The following KCNIP4 variants were observed in gnomAD, a reference collection of about 807,000 sequenced individuals.
KCNIP4 encodes the protein potassium voltage-gated channel interacting protein 4.
In KCNIP4, 12 loss-of-function variants were observed where a neutral mutation model predicts 34.0. That is an observed-to-expected ratio of 0.35 (90% CI 0.23 to 0.57). The LOEUF (loss-of-function observed/expected upper bound fraction) is 0.57, where lower values mean the gene tolerates loss of function less well. KCNIP4 is among the 20% of genes least tolerant of loss of function. The pLI, the probability that KCNIP4 is intolerant of heterozygous loss-of-function variation, is 0.83. For synonymous variants in KCNIP4, 124 were observed against 102.2 expected (o/e 1.21, Z -1.29); for missense variants, 238 against 311.7 (o/e 0.76, Z 1.78).
At chr4:20,862,631 T>C (rs894287628) in intron 2 of KCNIP4, among the ~76,000 whole-genome samples, 4 of 152,168 alleles carry the variant, frequency 2.6e-5, no homozygotes, top group Non-Finnish European at 4.4e-5. Context: ...GATTTTCTCT[T>C]AGTTGTCCTA....
At chr4:21,605,941 C>A (rs932111799) in intron 1 of KCNIP4, among the ~76,000 whole-genome samples, 1 of 152,116 alleles carries the variant, frequency 6.6e-6, no homozygotes, top group Non-Finnish European at 1.5e-5. Flanking sequence ...AGAAAAAAAC[C>A]ATCCTCTGTT....
intron 1 of KCNIP4, among the ~76,000 whole-genome samples, chr4:21,388,106 G>A (rs1407209260): frequency 6.6e-6 from 1 of 152,048 alleles, no homozygotes; most frequent in Non-Finnish European, 1.5e-5. Context: ...GATTTCAGGT[G>A]TGCTGAAAGA....
At chr4:21,671,554 A>G (rs1309716970) in intron 1 of KCNIP4, among the ~76,000 whole-genome samples, 1 of 152,202 alleles carries the variant, frequency 6.6e-6, no homozygotes, top group African/African-American at 2.4e-5. Flanking sequence ...GCTTCACAGA[A>G]TCTTCATCAC....
intron 1 of KCNIP4, among the ~76,000 whole-genome samples, chr4:21,484,442 TA>T (rs1024736397): frequency 4.4e-5 from 6 of 137,454 alleles, no homozygotes; most frequent in Admixed American, 7.0e-5. Flanking sequence ...AAAAAAAAAT[TA>T]AAAGATAGGT....
intron 2 of KCNIP4, among the ~76,000 whole-genome samples, chr4:20,852,396 T>C (rs375311316): frequency 2.0e-5 from 3 of 152,190 alleles, no homozygotes; most frequent in South Asian, 4.1e-4. Flanking sequence ...TCTCAGTAGA[T>C]GCTGAAAACC....
intron 1 of KCNIP4, among the ~76,000 whole-genome samples, chr4:21,218,593 G>A (rs1221174233): frequency 6.6e-6 from 1 of 151,996 alleles, no homozygotes; most frequent in Non-Finnish European, 1.5e-5. Context: ...ATCACTAATA[G>A]GCCATTGATA....
intron 2 of KCNIP4, among the ~76,000 whole-genome samples, chr4:20,867,087 G>A (rs971018518): frequency 6.6e-6 from 1 of 151,954 alleles, no homozygotes; most frequent in Admixed American, 6.6e-5. Flanking sequence ...ACTGCCCAAT[G>A]CAATTTATAG....
chr4:21,283,905 T>G (rs550649496), intron 1 of KCNIP4, among the ~76,000 whole-genome samples: 1 of 152,062 alleles, frequency 6.6e-6, no homozygotes, highest in African/African-American at 2.4e-5. Flanking sequence ...ATTATTAAAT[T>G]GCCTGCTTTG....
At chr4:21,788,928 C>G (rs768738015) in intron 1 of KCNIP4, among the ~76,000 whole-genome samples, 1 of 151,894 alleles carries the variant, frequency 6.6e-6, no homozygotes. Flanking sequence ...CAACAATTAG[C>G]CAGGCGTGGC....
Position 21,503,589 on chromosome 4 carries a change from C to CT in KCNIP4, c.61+444981dup, listed in dbSNP as rs925175807. Among the ~76,000 whole-genome samples the CT allele has an allele frequency of 9.2e-5, 14 of 151,798 alleles. No homozygotes were observed. The East Asian group carries it at 2.5e-3, about 27-fold the overall frequency. On this transcript the variant is annotated intron_variant, in intron 1 of 8. Coordinates refer to ENST00000382152, the MANE Select transcript of KCNIP4 (RefSeq NM_025221.6). ...TTCATTTCAAAGCATGTTTTGGGAT[C>CT]TTTTTTTTTCTTTTCACCAAAGGTA...
chr4:20,764,681 GACACAC>G (rs5856578), intron 3 of KCNIP4, among the ~76,000 whole-genome samples: 4 of 147,220 alleles, frequency 2.7e-5, no homozygotes, highest in Admixed American at 6.8e-5. Flanking sequence ...ATGGGAATTG[GACACAC>G]ACACACACAC....
At chr4:20,794,134 T>C (rs1411588315) in intron 3 of KCNIP4, among the ~76,000 whole-genome samples, 1 of 152,146 alleles carries the variant, frequency 6.6e-6, no homozygotes, top group Non-Finnish European at 1.5e-5. Context: ...TCCCCACCCA[T>C]GTGGAAGTGT....
At chr4:21,880,882 A>G (rs1171928170) in intron 1 of KCNIP4, among the ~76,000 whole-genome samples, 1 of 152,170 alleles carries the variant, frequency 6.6e-6, no homozygotes, top group Non-Finnish European at 1.5e-5. Flanking sequence ...TTAACCTCTT[A>G]CTTCTTATGT....
intron 1 of KCNIP4, among the ~76,000 whole-genome samples, chr4:21,099,081 G>A (rs1025057583): frequency 2.0e-5 from 3 of 152,254 alleles, no homozygotes; most frequent in East Asian, 1.9e-4. Context: ...AGATCTAGAC[G>A]CAGAAATATC....
chr4:21,428,527 G>C (rs1478257240), intron 1 of KCNIP4, among the ~76,000 whole-genome samples: 1 of 151,942 alleles, frequency 6.6e-6, no homozygotes, highest in East Asian at 1.9e-4. Context: ...TGACATGAGG[G>C]ATGATGCCCA....
chr4:21,116,948 A>T (rs1163988120), intron 1 of KCNIP4, among the ~76,000 whole-genome samples: 1 of 152,186 alleles, frequency 6.6e-6, no homozygotes, highest in Non-Finnish European at 1.5e-5. Flanking sequence ...CTTAGTGTTA[A>T]TTGAAATAAT....
At chr4:21,266,066 GA>G (rs35799225) in intron 1 of KCNIP4, among the ~76,000 whole-genome samples, 1 of 152,132 alleles carries the variant, frequency 6.6e-6, no homozygotes, top group African/African-American at 2.4e-5. Flanking sequence ...TTTAACAGAT[GA>G]AAAATGGGGG....
chr4:21,921,801 C>T (rs1266930934), intron 1 of KCNIP4, among the ~76,000 whole-genome samples: 1 of 152,182 alleles, frequency 6.6e-6, no homozygotes, highest in Non-Finnish European at 1.5e-5. Context: ...CTAACTCATC[C>T]TCCTGCTTCT....
intron 1 of KCNIP4, among the ~76,000 whole-genome samples, chr4:21,859,228 A>AT (rs1333775139): frequency 6.6e-6 from 1 of 152,100 alleles, no homozygotes; most frequent in African/African-American, 2.4e-5. Flanking sequence ...ACATTTCCAG[A>AT]TTTTTTGTGG....
Sources: gnomAD v4.1 joint callset for allele counts (sites outside exome capture counted in the v4.1 genomes callset) on GRCh38, gnomAD v4.1.1 for gene constraint, MANE v1.5 for transcripts, NCBI Gene and HGNC (gene_info 2026-07-23, HGNC 2026-07-21) for gene names.